FOXP2: variants seen among roughly 807,000 people sequenced by gnomAD.
FOXP2 encodes forkhead box P2.
Under a neutral mutation model 115.8 loss-of-function variants are expected in FOXP2, and 12 were observed. The ratio of observed to expected loss-of-function variants is 0.10; its 90% CI spans 0.07 to 0.17. The LOEUF (loss-of-function observed/expected upper bound fraction) is 0.17. Ranked by LOEUF, FOXP2 falls within the 10% of genes least tolerant of loss-of-function variation. The pLI is 1.00. For missense variants in FOXP2, 629 were observed against 843.5 expected (o/e 0.75, Z 3.15); for synonymous variants, 328 against 297.7 (o/e 1.10, Z -1.05).
At chr7:114,313,035 A>G (rs1194868311) in intron 2 of FOXP2, among the ~76,000 whole-genome samples, 1 of 152,100 alleles carries the variant, frequency 6.6e-6, no homozygotes, top group Non-Finnish European at 1.5e-5. Context: ...ATAACCTACC[A>G]TTTTTGTGAA....
rs1158124726 is a variant in FOXP2 at position 114,691,257 on chromosome 7, T to C, written c.*1331T>C. 2.2e-6 allele frequency: 1 copy of C among 452,618 alleles called. No homozygotes were observed. Among genetic ancestry groups the C allele is most frequent in the South Asian group, 1.6e-5 (1 of 64,002 alleles). 28.0% of individuals were successfully genotyped at this position (452,618 alleles called of 1,614,324 possible). On this transcript the variant is annotated 3_prime_UTR_variant, in exon 17 of 17. Coordinates refer to ENST00000350908, the MANE Select transcript of FOXP2 (RefSeq NM_014491.4). Reference sequence around the variant, plus strand: ...TGTTGTGTACTATTTTTTTATAGTCTTAAGTTATAATGAAAAAACAAAAAG... The same window carrying C: ...TGTTGTGTACTATTTTTTTATAGTCCTAAGTTATAATGAAAAAACAAAAAG...
At chr7:114,169,971 C>A (rs1489870546) in intron 1 of FOXP2, among the ~76,000 whole-genome samples, 1 of 152,202 alleles carries the variant, frequency 6.6e-6, no homozygotes, top group Non-Finnish European at 1.5e-5. Flanking sequence ...TTGAGGTCTC[C>A]CCAGCCATGT....
intron 3 of FOXP2, among the ~76,000 whole-genome samples, chr7:114,555,624 C>T (rs1800416711): frequency 6.6e-6 from 1 of 151,966 alleles, no homozygotes; most frequent in Admixed American, 6.6e-5. Flanking sequence ...TGGTGAAACC[C>T]CGTCTCTACT....
Position 114,438,093 on chromosome 7 carries a change from G to T in FOXP2, c.168+11414G>T, listed in dbSNP as rs1054932203. Among the ~76,000 whole-genome samples the T allele has an allele frequency of 2.6e-5, 4 of 151,532 alleles. No individual in the cohort carries two copies. In the South Asian group the frequency reaches 6.2e-4, roughly 24 times the overall value. On this transcript the variant is annotated intron_variant, in intron 2 of 16. Transcript: ENST00000350908. ...CACCTGTTTTTATTTTTTTTAATTTGTCTATTACAACATTAGAAATTAACT... is the reference window on the plus strand; with the variant it reads ...CACCTGTTTTTATTTTTTTTAATTTTTCTATTACAACATTAGAAATTAACT...
chr7:114,284,353 C>T (rs192596558), intron 1 of FOXP2, among the ~76,000 whole-genome samples: 3 of 152,012 alleles, frequency 2.0e-5, no homozygotes, highest in Admixed American at 1.3e-4. Flanking sequence ...TGATTTTAAC[C>T]CAGAACCAGG....
At chr7:114,488,968 A>G (rs1377517400) in intron 2 of FOXP2, among the ~76,000 whole-genome samples, 1 of 152,178 alleles carries the variant, frequency 6.6e-6, no homozygotes, top group Non-Finnish European at 1.5e-5. Context: ...AGGAAAAAAT[A>G]AAGAATAAAA....
In FOXP2 at chr7:114,380,013, G is replaced by A. The variant is rs111584248; in HGVS notation, c.-10-46489G>A. ...GTACTAGGGCTTGGTTTCCCAGAGG[G>A]GGTTACCCCATATTAGGGGTCCTTC... On this transcript the variant is annotated intron_variant, in intron 2 of 17. Coordinates refer to the FOXP2 transcript ENST00000634411. Among the ~76,000 whole-genome samples, 1,376 of 152,186 alleles carry A rather than the reference G, an allele frequency of 9.0e-3. 9 individuals are homozygous for A. Among genetic ancestry groups the A allele is most frequent in the Non-Finnish European group, 0.015 (994 of 68,002 alleles).
intron 2 of FOXP2, among the ~76,000 whole-genome samples, chr7:114,288,703 A>G (rs1396838103): frequency 6.6e-6 from 1 of 151,846 alleles, no homozygotes; most frequent in African/African-American, 2.4e-5. Flanking sequence ...ATGTTAACAT[A>G]TAAACTTTCT....
At chr7:114,545,962 G>A (rs1243246289) in intron 3 of FOXP2, among the ~76,000 whole-genome samples, 1 of 151,954 alleles carries the variant, frequency 6.6e-6, no homozygotes, top group East Asian at 1.9e-4. Context: ...ATTCTTATAT[G>A]TATCACACCG....
intron 2 of FOXP2, among the ~76,000 whole-genome samples, chr7:114,517,827 A>G (rs543658501): frequency 4.6e-5 from 7 of 152,202 alleles, no homozygotes; most frequent in African/African-American, 1.7e-4. Context: ...GTGATTTCAT[A>G]CAAATTTTAA....
chr7:114,355,386 A>G (rs1432431213), intron 2 of FOXP2, among the ~76,000 whole-genome samples: 3 of 152,164 alleles, frequency 2.0e-5, no homozygotes, highest in African/African-American at 7.2e-5. Flanking sequence ...TGTTCTATAA[A>G]GGTACCAGAA....
chr7:114,542,787 G>GT (rs1319408431), intron 3 of FOXP2, among the ~76,000 whole-genome samples: 1 of 139,706 alleles, frequency 7.2e-6, no homozygotes, highest in African/African-American at 2.9e-5. Flanking sequence ...TTTTGTTTTT[G>GT]TTTTTTGTTT....
chr7:114,102,195 T>C (rs571046996), intron 1 of FOXP2, among the ~76,000 whole-genome samples: 8 of 152,086 alleles, frequency 5.3e-5, no homozygotes, highest in Admixed American at 2.6e-4. Flanking sequence ...TGTATAACTC[T>C]TGTGTTTCTT....
At chr7:114,459,428 A>C (rs1462595204) in intron 2 of FOXP2, among the ~76,000 whole-genome samples, 1 of 152,236 alleles carries the variant, frequency 6.6e-6, no homozygotes, top group Non-Finnish European at 1.5e-5. Flanking sequence ...ATCATTGTGG[A>C]GTCAAAAGCA....
chr7:114,233,247 A>C (rs1288463193), intron 1 of FOXP2, among the ~76,000 whole-genome samples: 1 of 152,220 alleles, frequency 6.6e-6, no homozygotes, highest in African/African-American at 2.4e-5. Flanking sequence ...TACATGTACA[A>C]AAGGAGTGTT....
At chr7:114,178,387 T>C (rs1793373067) in intron 1 of FOXP2, among the ~76,000 whole-genome samples, 1 of 151,914 alleles carries the variant, frequency 6.6e-6, no homozygotes, top group Non-Finnish European at 1.5e-5. Flanking sequence ...CATTTTACCA[T>C]CCAGTGACAT....
intron 1 of FOXP2, among the ~76,000 whole-genome samples, chr7:114,418,124 G>A (rs1446155139): frequency 2.0e-5 from 3 of 151,870 alleles, no homozygotes; most frequent in African/African-American, 4.8e-5. Flanking sequence ...TTTTTGTAGA[G>A]GTTTGGACTT....
chr7:114,348,960 T>A (rs1025482593), intron 2 of FOXP2, among the ~76,000 whole-genome samples: 1 of 152,086 alleles, frequency 6.6e-6, no homozygotes, highest in African/African-American at 2.4e-5. Flanking sequence ...GATTCCAGAA[T>A]CTTGTGGTAA....
intron 3 of FOXP2, among the ~76,000 whole-genome samples, chr7:114,544,046 A>G (rs760557694): frequency 7.2e-5 from 11 of 152,066 alleles, no homozygotes; most frequent in South Asian, 2.1e-4. Context: ...AATAGAGGCA[A>G]AGTCTCACTA....
Sources: gnomAD v4.1 joint callset for allele counts (sites outside exome capture counted in the v4.1 genomes callset) on GRCh38, gnomAD v4.1.1 for gene constraint, MANE v1.5 for transcripts, NCBI Gene and HGNC (gene_info 2026-07-23, HGNC 2026-07-21) for gene names.